TM4SF5: variants seen among roughly 807,000 people sequenced by gnomAD.
The protein encoded by TM4SF5 is transmembrane 4 L6 family member 5.
In TM4SF5, 16 loss-of-function variants were observed where a neutral mutation model predicts 22.3. That is an observed-to-expected ratio of 0.72 (90% CI 0.49 to 1.09). The LOEUF is 1.09. Among genes scored for constraint, TM4SF5 ranks in the 50% least tolerant of loss-of-function variants. The pLI is 0.00. For missense variants in TM4SF5, 249 were observed against 266.1 expected (o/e 0.94, Z 0.45); for synonymous variants, 113 against 109.6 (o/e 1.03, Z -0.19).
intron 1 of TM4SF5, among the ~76,000 whole-genome samples, chr17:4,779,272 T>G (rs1471904606): frequency 1.3e-5 from 2 of 150,800 alleles, no homozygotes; most frequent in Non-Finnish European, 3.0e-5. Flanking sequence ...CTACAAAATT[T>G]TTTTTAATTA....
chr17:4,774,542 G>A (rs2150645144), intron 1 of TM4SF5, among the ~76,000 whole-genome samples: 1 of 151,284 alleles, frequency 6.6e-6, no homozygotes, highest in Non-Finnish European at 1.5e-5. Context: ...GCAAGACCTT[G>A]TCTCAAGAAA....
chr17:4,772,104 G>C lies in TM4SF5; in HGVS notation c.177+5G>C. 1 of 1,614,182 alleles carries C rather than the reference G, an allele frequency of 6.2e-7. No individual in the cohort carries two copies. Among genetic ancestry groups the C allele is most frequent in the Non-Finnish European group, 8.5e-7 (1 of 1,180,040 alleles). ...TTCATTGGCGGGGGCCTAATGGTGA[G>C]AAGGCTGGCAGGGGAGCCCGGGCCA... On this transcript the variant is annotated splice_donor_5th_base_variant and intron_variant, in intron 1 of 4. Coordinates refer to ENST00000270560, the MANE Select transcript of TM4SF5 (RefSeq NM_003963.3).
chr17:4,777,587 A>T (rs981629127), intron 1 of TM4SF5, among the ~76,000 whole-genome samples: 4 of 151,920 alleles, frequency 2.6e-5, no homozygotes, highest in African/African-American at 9.7e-5. Context: ...CAAAAATTTT[A>T]AAATTAGCTG....
At chr17:4,773,420 A>G (rs1169414867) in intron 1 of TM4SF5, among the ~76,000 whole-genome samples, 1 of 152,112 alleles carries the variant, frequency 6.6e-6, no homozygotes, top group African/African-American at 2.4e-5. Context: ...CCACCCATTC[A>G]GGGAAACTTT....
At chr17:4,783,061 G>A in intron 4 of TM4SF5, 24 bp downstream of exon 4, 1 of 1,614,146 alleles carries the variant, frequency 6.2e-7, no homozygotes, top group African/African-American at 1.3e-5. Context: ...CGGTGGAGTT[G>A]TAGAGGGAAC....
At chr17:4,777,072 C>G (rs564438736) in intron 1 of TM4SF5, among the ~76,000 whole-genome samples, 1 of 151,684 alleles carries the variant, frequency 6.6e-6, no homozygotes, top group African/African-American at 2.4e-5. Flanking sequence ...TGGTGCATGC[C>G]TGTAATCCCA....
intron 1 of TM4SF5, among the ~76,000 whole-genome samples, chr17:4,773,434 A>G (rs57692806): frequency 6.6e-6 from 1 of 152,118 alleles, no homozygotes; most frequent in Non-Finnish European, 1.5e-5. Flanking sequence ...AAACTTTGGG[A>G]TGGTCAACCT....
chr17:4,780,410 G>GT (rs992772709), intron 1 of TM4SF5, among the ~76,000 whole-genome samples: 3 of 152,122 alleles, frequency 2.0e-5, no homozygotes, highest in African/African-American at 7.2e-5. Context: ...CCTGAGAACA[G>GT]ACCTGTGAGG....
At position 4,783,037 on chromosome 17, in the gene TM4SF5, G is replaced by A. The variant is rs200359055; in HGVS notation, c.579G>A (p.Gln193=). Residue 193 remains glutamine (Q), a splice_region_variant and synonymous_variant, in exon 4 of 5, where the codon CAG becomes CAA. Coordinates refer to ENST00000270560, the MANE Select transcript of TM4SF5 (RefSeq NM_003963.3). ...GVFCGDCRKK[Q]DTPH is the part of the protein sequence containing the mutation. ...TCTGCGGCGATTGCAGGAAAAAACA[G>A]GTGAAATTTCTTGCGGTGGAGTTGT... 37 of 1,614,112 alleles carry A rather than the reference G, an allele frequency of 2.3e-5. No individual in the cohort carries two copies. Among genetic ancestry groups the A allele is most frequent in the Admixed American group, 1.2e-4 (7 of 60,020 alleles).
intron 2 of TM4SF5, among the ~76,000 whole-genome samples, chr17:4,781,704 A>C (rs988754759): frequency 6.6e-6 from 1 of 151,628 alleles, no homozygotes; most frequent in Non-Finnish European, 1.5e-5. Context: ...TTTAGTAGAG[A>C]CGGGGTTTCA....
chr17:4,780,834 T>C lies in TM4SF5; in HGVS notation c.223T>C (p.Cys75Arg). ...AGCCGTTCGGGCAGGGGGCAAGGGC[T>C]GCTGTGGTGCTGGGTGCTGTGGAAA... ...IAAVRAGGKG[C>R]CGAGCCGNRC... The change falls in exon 2 of 5, where the codon TGC becomes CGC. Residue 75 changes from cysteine (C) to arginine (R), a missense_variant. Transcript: ENST00000270560. The C allele has an allele frequency of 6.2e-7, 1 of 1,611,050 alleles. No homozygotes were observed.
chr17:4,772,595 G>A (rs535440534), intron 1 of TM4SF5, among the ~76,000 whole-genome samples: 1 of 152,276 alleles, frequency 6.6e-6, no homozygotes, highest in East Asian at 1.9e-4. Flanking sequence ...TGTGCGGACT[G>A]CTAAGGATAA....
intron 1 of TM4SF5, among the ~76,000 whole-genome samples, chr17:4,777,880 G>A (rs1006928378): frequency 2.0e-5 from 3 of 151,700 alleles, no homozygotes; most frequent in African/African-American, 4.8e-5. Flanking sequence ...GCAAAACTTC[G>A]TCTCAAAAAA....
rs1917341669 is a variant in TM4SF5 at position 4,782,871 on chromosome 17, A to G, written c.413A>G (p.Asn138Ser). ...TCCCACAGGGGAGCTTACTTGCTCA[A>G]CCGCACTCTATGGGATCGGTGCGAG... ...FEDTAGAYLL[N>S]RTLWDRCEAP... The change falls in exon 4 of 5, where the codon AAC becomes AGC. Residue 138 changes from asparagine to serine, a missense_variant. Transcript: ENST00000270560. 3.1e-6 allele frequency: 5 copies of G among 1,613,492 alleles called. No individual in the cohort carries two copies. Among genetic ancestry groups the G allele is most frequent in the Admixed American group, 1.7e-5 (1 of 59,960 alleles).
intron 1 of TM4SF5, among the ~76,000 whole-genome samples, chr17:4,778,783 C>T (rs1917249237): frequency 6.6e-6 from 1 of 152,034 alleles, no homozygotes; most frequent in South Asian, 2.1e-4. Context: ...CTTGGCCAGG[C>T]GCGGTGGCTC....
At position 4,782,964 on chromosome 17, in the gene TM4SF5, A is replaced by C; in HGVS notation, c.506A>C (p.Glu169Ala). The change falls in exon 4 of 5, where the codon GAG (glutamate) becomes GCG (alanine). Residue 169 changes from glutamate to alanine, a missense_variant. By Grantham distance (107) the Glu-to-Ala change is moderately radical. Coordinates refer to ENST00000270560, the MANE Select transcript of TM4SF5 (RefSeq NM_003963.3). The part of the protein sequence containing the change: ...FSLLVAASCL[E>A]IVLCGIQLVN... ...CTGCTGGTGGCCGCCTCCTGCCTGG[A>C]GATAGTACTGTGTGGGATCCAGCTG... The C allele has an allele frequency of 6.2e-7, 1 of 1,614,090 alleles. No individual in the cohort carries two copies. Among genetic ancestry groups the C allele is most frequent in the African/African-American group, 1.3e-5 (1 of 75,012 alleles).
intron 1 of TM4SF5, among the ~76,000 whole-genome samples, chr17:4,776,415 C>T (rs971962988): frequency 6.6e-6 from 1 of 152,128 alleles, no homozygotes; most frequent in Non-Finnish European, 1.5e-5. Flanking sequence ...GATTCTCCTG[C>T]CTCAGCCTCC....
intron 2 of TM4SF5, 74 bp from the exon 3 acceptor site, chr17:4,782,428 TG>T: frequency 1.3e-6 from 2 of 1,565,114 alleles, no homozygotes; most frequent in Admixed American, 3.7e-5. Flanking sequence ...CGATAATGCG[TG>T]GGGGCTGGCG....
intron 1 of TM4SF5, among the ~76,000 whole-genome samples, chr17:4,774,147 G>A (rs992339672): frequency 2.6e-5 from 4 of 152,224 alleles, no homozygotes; most frequent in Non-Finnish European, 5.9e-5. Context: ...GGGAGGCAGA[G>A]GTTGCAGTGA....
Sources: gnomAD v4.1 joint callset for allele counts (sites outside exome capture counted in the v4.1 genomes callset) on GRCh38, gnomAD v4.1.1 for gene constraint, MANE v1.5 for transcripts, NCBI Gene and HGNC (gene_info 2026-07-23, HGNC 2026-07-21) for gene names.